The following MDGA2 variants were observed in gnomAD, a reference collection of about 807,000 sequenced individuals.
MDGA2 encodes the protein MAM domain-containing glycosylphosphatidylinositol anchor protein 2.
In MDGA2, 40 loss-of-function variants were observed where a neutral mutation model predicts 117.8. That is an observed-to-expected ratio of 0.34 (90% confidence interval 0.26 to 0.44). MDGA2 has a LOEUF of 0.44. Among genes scored for constraint, MDGA2 ranks in the 20% least tolerant of loss-of-function variants. MDGA2 has a pLI of 1.00. For missense variants in MDGA2, 1,123 were observed against 1,250.6 expected, an observed-to-expected ratio of 0.90 and a Z score of 1.54; for synonymous variants, 452 against 439.0, an observed-to-expected ratio of 1.03 and a Z score of -0.37.
chr14:46,896,313 A>G (rs1013580846), intron 10 of MDGA2, among the ~76,000 whole-genome samples: 5 of 152,178 alleles, frequency 3.3e-5, no homozygotes, highest in African/African-American at 1.2e-4. Flanking sequence ...GAACAAAAGT[A>G]AGAAAAACAG....
intron 3 of MDGA2, among the ~76,000 whole-genome samples, chr14:47,160,997 C>T (rs1883610148): frequency 6.6e-6 from 1 of 152,082 alleles, no homozygotes; most frequent in African/African-American, 2.4e-5. Flanking sequence ...TGTCTCTTTC[C>T]TTATTCCAAA....
chr14:47,536,613 G>T (rs1018560967), intron 1 of MDGA2, among the ~76,000 whole-genome samples: 1 of 152,206 alleles, frequency 6.6e-6, no homozygotes, highest in East Asian at 1.9e-4. Context: ...ACCGTTGTAA[G>T]AAATAATTGG....
At chr14:47,573,276 A>T (rs539172081) in intron 1 of MDGA2, among the ~76,000 whole-genome samples, 96 of 152,276 alleles carry the variant, frequency 6.3e-4, no homozygotes, top group African/African-American at 2.2e-3. Context: ...TCTTTTGGGG[A>T]GTGTTTTCCA....
intron 2 of MDGA2, among the ~76,000 whole-genome samples, chr14:47,269,691 G>T (rs1888084159): frequency 1.3e-5 from 2 of 152,092 alleles, no homozygotes; most frequent in African/African-American, 4.8e-5. Flanking sequence ...CTTACTCAGA[G>T]CATAATGTTT....
At chr14:46,935,945 C>A (rs1348067546) in intron 9 of MDGA2, among the ~76,000 whole-genome samples, 2 of 150,906 alleles carry the variant, frequency 1.3e-5, no homozygotes, top group East Asian at 3.9e-4. Flanking sequence ...ATTCAGAGGT[C>A]CAAGAAAATG....
intron 1 of MDGA2, among the ~76,000 whole-genome samples, chr14:47,555,319 G>C (rs530166870): frequency 1.1e-4 from 17 of 152,102 alleles, no homozygotes; most frequent in Non-Finnish European, 2.4e-4. Context: ...ATTCTTATAA[G>C]AACTGAGAGT....
At chr14:47,275,606 A>C (rs936001581) in intron 2 of MDGA2, among the ~76,000 whole-genome samples, 2 of 152,168 alleles carry the variant, frequency 1.3e-5, no homozygotes, top group Non-Finnish European at 2.9e-5. Context: ...ATATACCTAA[A>C]AAGCTTTATG....
At chr14:46,946,876 G>C (rs1885187537) in intron 9 of MDGA2, among the ~76,000 whole-genome samples, 1 of 152,064 alleles carries the variant, frequency 6.6e-6, no homozygotes, top group African/African-American at 2.4e-5. Context: ...ATGACTGACA[G>C]GTCGTAGGAA....
At chr14:47,005,609 C>T (rs560780115) in intron 8 of MDGA2, among the ~76,000 whole-genome samples, 1 of 151,342 alleles carries the variant, frequency 6.6e-6, no homozygotes, top group South Asian at 2.1e-4. Flanking sequence ...TTTTATATAT[C>T]TGAATAATGT....
chr14:46,955,051 C>T (rs529689113), intron 9 of MDGA2, among the ~76,000 whole-genome samples: 1 of 151,702 alleles, frequency 6.6e-6, no homozygotes, highest in Non-Finnish European at 1.5e-5. Flanking sequence ...AAAAATAAGC[C>T]CAGATATTTT....
chr14:47,339,884 A>C (rs1456051798), intron 1 of MDGA2, among the ~76,000 whole-genome samples: 1 of 152,194 alleles, frequency 6.6e-6, no homozygotes, highest in Non-Finnish European at 1.5e-5. Flanking sequence ...ATATGTATAT[A>C]TACATTATAT....
In MDGA2 at chr14:47,344,016, T is replaced by A. The variant is rs1450071592; in HGVS notation, c.281-42466A>T. Among the ~76,000 whole-genome samples, 6 of 152,196 alleles carry A rather than the reference T, an allele frequency of 3.9e-5. No individual in the cohort carries two copies. The East Asian group carries it at 1.2e-3, about 29-fold the overall frequency. On this transcript the variant is annotated intron_variant, in intron 1 of 16. Coordinates refer to ENST00000399232, the MANE Select transcript of MDGA2 (RefSeq NM_001113498.3). Reference sequence around the variant, plus strand: ...CATCTAGAAATAACTGAACTGTCATTCTTGCCCCTCTGAGTGCAAACAGCT... The same window carrying A: ...CATCTAGAAATAACTGAACTGTCATACTTGCCCCTCTGAGTGCAAACAGCT...
intron 1 of MDGA2, among the ~76,000 whole-genome samples, chr14:47,585,300 T>C (rs115490911): frequency 2.0e-5 from 3 of 151,978 alleles, no homozygotes; most frequent in African/African-American, 4.8e-5. Context: ...ATAGCTTCTC[T>C]GCAGCATTAG....
rs542005728 is a variant in MDGA2 at position 47,192,502 on chromosome 14, C to G, written c.595+25519G>C. 1.4e-4 allele frequency among the ~76,000 whole-genome samples: 22 copies of G among 152,058 alleles called. No individual in the cohort carries two copies. In the South Asian group the frequency reaches 4.6e-3, roughly 32 times the overall value. ...TGGTGGCACGTAGCTGTAGTCCCAG[C>G]TACTTGGGAGGCTGAGGCATGGAAA... is the stretch of plus-strand genomic sequence containing the variant. On this transcript the variant is annotated intron_variant, in intron 3 of 16. Coordinates refer to ENST00000399232, the MANE Select transcript of MDGA2 (RefSeq NM_001113498.3).
intron 12 of MDGA2, among the ~76,000 whole-genome samples, chr14:46,876,868 T>C (rs1882252895): frequency 6.6e-6 from 1 of 151,692 alleles, no homozygotes; most frequent in South Asian, 2.1e-4. Flanking sequence ...GTTGATTTAA[T>C]ATTATTTTCC....
At chr14:47,268,215 G>A (rs1888028774) in intron 2 of MDGA2, among the ~76,000 whole-genome samples, 1 of 152,046 alleles carries the variant, frequency 6.6e-6, no homozygotes, top group South Asian at 2.1e-4. Context: ...TGGGGTTACA[G>A]GCATGTGCCA....
intron 7 of MDGA2, 57 bp from the exon 8 acceptor site, chr14:47,035,361 C>T: frequency 7.3e-7 from 1 of 1,371,958 alleles, no homozygotes; most frequent in Non-Finnish European, 1.0e-6. Flanking sequence ...AAAGCATATT[C>T]AGATACAGAA....
chr14:47,650,206 C>T (rs1897613225), intron 1 of MDGA2, among the ~76,000 whole-genome samples: 1 of 152,092 alleles, frequency 6.6e-6, no homozygotes, highest in Non-Finnish European at 1.5e-5. Context: ...GCTTAAACAT[C>T]TCTTTTTGGG....
chr14:47,546,827 A>G lies in MDGA2; in HGVS notation c.280+127690T>C, dbSNP rs556230178. Among the ~76,000 whole-genome samples the G allele has an allele frequency of 3.3e-5, 5 of 152,230 alleles. No individual in the cohort carries two copies. The East Asian group carries it at 5.8e-4, about 18-fold the overall frequency. ...CTGGGTTATTCCCTTTTTTACCTTCAGTGGATCTCCAGAAAGTCAGGGAGT... is the reference window on the plus strand; with the variant it reads ...CTGGGTTATTCCCTTTTTTACCTTCGGTGGATCTCCAGAAAGTCAGGGAGT... On this transcript the variant is annotated intron_variant, in intron 1 of 16. Transcript: ENST00000399232.
Sources: gnomAD v4.1 joint callset for allele counts (sites outside exome capture counted in the v4.1 genomes callset) on GRCh38, gnomAD v4.1.1 for gene constraint, MANE v1.5 for transcripts, NCBI Gene and HGNC (gene_info 2026-07-23, HGNC 2026-07-21) for gene names.